Variants in DUXA observed in about 807,000 individuals in gnomAD.
The protein encoded by DUXA is double homeobox protein A.
A neutral mutation model predicts 27.5 loss-of-function variants in DUXA; 25 were observed. The observed-to-expected ratio is 0.91, with a 90% confidence interval of 0.66 to 1.27. The LOEUF is 1.27. DUXA is among the 50% of genes most tolerant of loss of function. The pLI is 0.00. For synonymous variants in DUXA, 90 were observed against 80.5 expected (o/e 1.12, Z -0.63); for missense variants, 247 against 242.9 (o/e 1.02, Z -0.11).
chr19:57,162,984 C>T (rs538255070), intron 1 of DUXA, among the ~76,000 whole-genome samples: 1 of 151,862 alleles, frequency 6.6e-6, no homozygotes, highest in South Asian at 2.1e-4. Context: ...TGAACCTTGA[C>T]CTCATCATAC....
intron 4 of DUXA, among the ~76,000 whole-genome samples, chr19:57,158,085 G>A (rs1211767524): frequency 2.0e-5 from 3 of 152,116 alleles, no homozygotes; most frequent in African/African-American, 7.2e-5. Flanking sequence ...TGGGTGTCAC[G>A]TGCCACGCAC....
In DUXA at chr19:57,160,685, T is replaced by C. The variant is rs773905038; in HGVS notation, c.138A>G (p.Gln46=). 1.2e-6 allele frequency: 2 copies of C among 1,613,804 alleles called. No homozygotes were observed. Among genetic ancestry groups the C allele is most frequent in the South Asian group, 2.2e-5 (2 of 91,062 alleles). Residue 46 remains glutamine, a synonymous_variant, in exon 2 of 6, where the codon CAA becomes CAG. Coordinates refer to ENST00000554048, the MANE Select transcript of DUXA (RefSeq NM_001012729.2). ...CTGTATTGATTTCTAAAGCAAGTTT[T>C]TGTTTGGTAGCATAACCTGGGTAAG... is the stretch of plus-strand genomic sequence containing the variant. ...QKPYPGYATK[Q]KLALEINTEE... is the part of the protein sequence containing the mutation.
chr19:57,154,368 T>G lies in DUXA; in HGVS notation c.*44A>C. 3 of 1,553,392 alleles carry G rather than the reference T, an allele frequency of 1.9e-6. No individual in the cohort carries two copies. The highest frequency in any genetic ancestry group is 2.7e-6 in the Non-Finnish European group (3 of 1,125,788). On this transcript the variant is annotated 3_prime_UTR_variant, in exon 6 of 6. Transcript: ENST00000554048. ...TCCCAGGAAGACCGTGAGACAGATT[T>G]GGGGTCCAGTTGATATTATCAAGTA...
intron 1 of DUXA, among the ~76,000 whole-genome samples, chr19:57,163,752 G>A (rs1568464887): frequency 6.6e-6 from 1 of 152,068 alleles, no homozygotes; most frequent in Non-Finnish European, 1.5e-5. Flanking sequence ...TGTTTAAAGG[G>A]TAGTTGTCAC....
At position 57,163,038 on chromosome 19, in the gene DUXA, C is replaced by T. The variant is rs145055314; in HGVS notation, c.26-2241G>A. On this transcript the variant is annotated intron_variant, in intron 1 of 5. Transcript: ENST00000554048. ...ACCTCATCTCCTTGACCTCATCATA[C>T]GCGACATTCCACTTGGCTTTATATG... 2.3e-4 allele frequency among the ~76,000 whole-genome samples: 35 copies of T among 152,200 alleles called. No homozygotes were observed. The East Asian group carries it at 5.2e-3, about 23-fold the overall frequency.
At chr19:57,167,288 G>A (rs375558535) in intron 1 of DUXA, 131 bp downstream of exon 1, 9 of 1,121,514 alleles carry the variant, frequency 8.0e-6, no homozygotes, top group African/African-American at 4.7e-5. Flanking sequence ...CAGAGAAACC[G>A]GTTTTCCCCT....
chr19:57,162,101 G>T (rs1230231208), intron 1 of DUXA, among the ~76,000 whole-genome samples: 1 of 151,984 alleles, frequency 6.6e-6, no homozygotes, highest in Non-Finnish European at 1.5e-5. Context: ...GTCCAGGCTG[G>T]TCTCAAACTC....
At chr19:57,155,063 T>C (rs913990922) in intron 5 of DUXA, among the ~76,000 whole-genome samples, 4 of 152,226 alleles carry the variant, frequency 2.6e-5, no homozygotes, top group African/African-American at 9.6e-5. Context: ...GGAATCCAGT[T>C]GGAAAGTGGG....
intron 1 of DUXA, among the ~76,000 whole-genome samples, chr19:57,161,586 G>A (rs999634778): frequency 7.5e-4 from 113 of 151,074 alleles, no homozygotes; most frequent in Admixed American, 7.3e-3. Context: ...TTGCGCCACT[G>A]CACTCCAGCC....
intron 2 of DUXA, among the ~76,000 whole-genome samples, chr19:57,159,729 G>A (rs2087010615): frequency 1.3e-5 from 2 of 150,976 alleles, no homozygotes; most frequent in Non-Finnish European, 2.9e-5. Flanking sequence ...CCAACTCTTT[G>A]GTCAAGACTT....
rs1323374923 is a variant in DUXA at position 57,158,601 on chromosome 19, G to A, written c.293-128C>T. The A allele has an allele frequency of 1.6e-5, 19 of 1,160,360 alleles. No homozygotes were observed. The East Asian group carries it at 4.6e-4, about 28-fold the overall frequency. The allele number at this position is 1,160,360 out of a possible 1,614,324, so 71.9% of individuals were successfully genotyped here. A position where few individuals can be genotyped will look rare whatever the true frequency, so the allele number is the denominator to read the frequency against. On this transcript the variant is annotated intron_variant, in intron 3 of 5. Coordinates refer to ENST00000554048, the MANE Select transcript of DUXA (RefSeq NM_001012729.2). ...TTTCGATCCCACTGACTCCTCCTGA[G>A]AGGATCTTGTCCCAGGTTCCTTCCA... is the stretch of plus-strand genomic sequence containing the variant.
At chr19:57,159,400 C>T (rs1032946623) in intron 2 of DUXA, 122 bp from the exon 3 acceptor site, 2 of 858,772 alleles carry the variant, frequency 2.3e-6, no homozygotes, top group Non-Finnish European at 3.5e-6. Context: ...TTACTTCTGT[C>T]ACATTCTACC....
intron 1 of DUXA, among the ~76,000 whole-genome samples, chr19:57,163,586 G>A (rs2087035715): frequency 6.6e-6 from 1 of 152,148 alleles, no homozygotes; most frequent in African/African-American, 2.4e-5. Flanking sequence ...TGGGATTACA[G>A]GCACCTGCCA....
chr19:57,160,908 C>G, intron 1 of DUXA, 111 bp from the exon 2 acceptor site: 6 of 1,219,504 alleles, frequency 4.9e-6, no homozygotes, highest in Non-Finnish European at 6.9e-6. Flanking sequence ...GGAATCCACT[C>G]CAGGAGAACT....
At chr19:57,165,324 A>AAAATATATATATATATATATATGT (rs1491567041) in intron 1 of DUXA, among the ~76,000 whole-genome samples, 1 of 89,286 alleles carries the variant, frequency 1.1e-5, no homozygotes, top group African/African-American at 4.1e-5. Flanking sequence ...AAAAAAAAAA[A>AAAATATATATATATATATATATGT]ATATATATAT....
intron 4 of DUXA, among the ~76,000 whole-genome samples, chr19:57,155,610 GC>G (rs375237468): frequency 9.6e-5 from 13 of 135,716 alleles, no homozygotes; most frequent in African/African-American, 3.3e-4. Flanking sequence ...CTCCCAAGTA[GC>G]TGGGACTAGA....
chr19:57,157,257 A>T (rs1002059636), intron 4 of DUXA, among the ~76,000 whole-genome samples: 1 of 152,190 alleles, frequency 6.6e-6, no homozygotes, highest in Non-Finnish European at 1.5e-5. Context: ...ATTCCATTTC[A>T]AGATGTGTCA....
chr19:57,159,907 C>T (rs1191206992), intron 2 of DUXA, among the ~76,000 whole-genome samples: 2 of 152,030 alleles, frequency 1.3e-5, no homozygotes, highest in Non-Finnish European at 2.9e-5. Context: ...TCAAGACCAG[C>T]CTGGCCAACA....
At chr19:57,154,753 C>T (rs546009311) in intron 5 of DUXA, among the ~76,000 whole-genome samples, 27 of 152,088 alleles carry the variant, frequency 1.8e-4, no homozygotes, top group South Asian at 1.0e-3. Context: ...TTAGTAGAGA[C>T]GGGGTTTCAC....
Sources: allele counts gnomAD v4.1 joint callset (sites outside exome capture counted in the v4.1 genomes callset), GRCh38; gene constraint gnomAD v4.1.1; transcripts MANE v1.5; gene names NCBI Gene and HGNC (gene_info 2026-07-23, HGNC 2026-07-21).